TWIST2: variants seen among roughly 807,000 people sequenced by gnomAD.
The protein encoded by TWIST2 is twist-related protein 2.
In TWIST2, 1 loss-of-function variant was observed where a neutral mutation model predicts 11.6. The observed-to-expected ratio is 0.09, with a 90% CI of 0.03 to 0.41. The LOEUF (loss-of-function observed/expected upper bound fraction) is 0.41. TWIST2 is among the 10% of genes least tolerant of loss of function. The pLI, the probability that TWIST2 is intolerant of heterozygous loss-of-function variation, is 0.98. For synonymous variants in TWIST2, 87 were observed against 96.6 expected (o/e 0.90, Z 0.58); for missense variants, 168 against 226.4 (o/e 0.74, Z 1.66).
chr2:238,897,208 C>T (rs1164413341), intron 1 of TWIST2, among the ~76,000 whole-genome samples: 1 of 151,884 alleles, frequency 6.6e-6, no homozygotes, highest in African/African-American at 2.4e-5. Flanking sequence ...TCCTGCCGCA[C>T]TTCTCCCTTG....
chr2:238,882,892 G>A (rs763018409), intron 1 of TWIST2, among the ~76,000 whole-genome samples: 5 of 152,164 alleles, frequency 3.3e-5, no homozygotes, highest in Admixed American at 6.5e-5. Flanking sequence ...GAGCTGAGGG[G>A]CAGATGACCG....
intron 1 of TWIST2, among the ~76,000 whole-genome samples, chr2:238,871,888 C>T (rs548263895): frequency 2.0e-5 from 3 of 152,062 alleles, no homozygotes; most frequent in African/African-American, 7.2e-5. Flanking sequence ...TGCCGGGGGC[C>T]GAGGGGAGGA....
intron 1 of TWIST2, among the ~76,000 whole-genome samples, chr2:238,892,754 T>TA (rs1693160890): frequency 6.6e-6 from 1 of 152,194 alleles, no homozygotes; most frequent in South Asian, 2.1e-4. Context: ...GTGCTAGGAT[T>TA]ACAGGTGTGA....
At chr2:238,907,486 G>A (rs949541844) in intron 1 of TWIST2, among the ~76,000 whole-genome samples, 10,694 of 152,158 alleles carry the variant, frequency 0.07, 699 homozygotes, top group African/African-American at 0.17. Flanking sequence ...TCCCCAAGGC[G>A]CTCCCGGGAC....
At chr2:238,856,131 C>T (rs1692325201) in intron 1 of TWIST2, among the ~76,000 whole-genome samples, 1 of 152,026 alleles carries the variant, frequency 6.6e-6, no homozygotes, top group Non-Finnish European at 1.5e-5. Flanking sequence ...GAGGTAGGGT[C>T]AGGAGAGAGC....
In TWIST2 at chr2:238,864,680, G is replaced by A. The variant is rs1692501041; in HGVS notation, c.*35+15947G>A. Among the ~76,000 whole-genome samples the A allele has an allele frequency of 6.6e-6, 1 of 152,170 alleles. No individual in the cohort carries two copies. Among genetic ancestry groups the A allele is most frequent in the Admixed American group, 6.5e-5 (1 of 15,290 alleles). On this transcript the variant is annotated intron_variant, in intron 1 of 1. Transcript: ENST00000612363. This position sits in a 1 kb window ranked among gnomAD's most constrained non-coding sequence, Gnocchi z 4.7. ...GGAGAAGAGGAGGTGGGAGGGTGCG[G>A]GGCCGTGGCTTGCTCTGTGGGGACA... is the stretch of plus-strand genomic sequence containing the variant.
chr2:238,889,315 A>G (rs1235905115), intron 1 of TWIST2, among the ~76,000 whole-genome samples: 1 of 152,220 alleles, frequency 6.6e-6, no homozygotes, highest in East Asian at 1.9e-4. Flanking sequence ...CTCCTTAGAG[A>G]AGCAGTGTGT....
intron 1 of TWIST2, among the ~76,000 whole-genome samples, chr2:238,881,440 T>TG (rs1692928432): frequency 6.6e-6 from 1 of 151,794 alleles, no homozygotes; most frequent in African/African-American, 2.4e-5. Context: ...AGTGTCGGTA[T>TG]TTATTAGTAT....
At chr2:238,856,047 C>A (rs1449794574) in intron 1 of TWIST2, among the ~76,000 whole-genome samples, 3 of 152,166 alleles carry the variant, frequency 2.0e-5, no homozygotes, top group Non-Finnish European at 4.4e-5. Flanking sequence ...TTTCCACGAT[C>A]CCCAAACTCC....
intron 1 of TWIST2, among the ~76,000 whole-genome samples, chr2:238,856,408 G>C (rs1320218590): frequency 6.6e-6 from 1 of 152,058 alleles, no homozygotes; most frequent in Non-Finnish European, 1.5e-5. Flanking sequence ...CTCCTTTCTT[G>C]TTTTACTACA....
intron 1 of TWIST2, among the ~76,000 whole-genome samples, chr2:238,892,790 G>GT (rs1343588798): frequency 1.3e-5 from 2 of 152,236 alleles, no homozygotes; most frequent in African/African-American, 2.4e-5. Context: ...CTTCTAATAT[G>GT]TTTTTTTCCA....
chr2:238,881,757 A>G (rs906888315), intron 1 of TWIST2, among the ~76,000 whole-genome samples: 25 of 152,096 alleles, frequency 1.6e-4, no homozygotes, highest in Admixed American at 1.3e-3. Context: ...CCCAAGTCCC[A>G]GCAGGAATGC....
chr2:238,871,519 C>T, intron 1 of TWIST2, among the ~76,000 whole-genome samples: 1 of 111,138 alleles, frequency 9.0e-6, no homozygotes, highest in Non-Finnish European at 1.9e-5. Context: ...ACACATACCC[C>T]CCAAACCCCA....
rs993490455 is a variant in TWIST2, at chr2:238,910,348, A to G, written c.*542A>G. The G allele has an allele frequency of 1.3e-5, 2 of 151,942 alleles. No homozygotes were observed. The highest frequency in any genetic ancestry group is 3.4e-3 in the Middle Eastern group (1 of 294). 9.4% of individuals were successfully genotyped at this position (151,942 alleles called of 1,614,324 possible). ...TGTTTCAAGTCAGCCTGGAATTCTT[A>G]CTTTCACGCCGCTATTCTTTTCCTT... On this transcript the variant is annotated 3_prime_UTR_variant, in exon 2 of 2. Coordinates refer to ENST00000612363, the MANE Select transcript of TWIST2 (RefSeq NM_001271893.4).
intron 1 of TWIST2, among the ~76,000 whole-genome samples, chr2:238,902,638 GGT>G (rs1693283904): frequency 6.9e-6 from 1 of 144,348 alleles, no homozygotes; most frequent in East Asian, 2.1e-4. Context: ...TGTGATATGA[GGT>G]GTGTGATGGT....
In TWIST2 at chr2:238,854,736, G is replaced by A. The variant is rs150898411; in HGVS notation, c.*35+6003G>A. On this transcript the variant is annotated intron_variant, in intron 1 of 1. Transcript: ENST00000612363. The stretch of plus-strand genomic sequence containing the variant: ...CTGAAGGGTGGAGAGATTTTGGCCC[G>A]CTTCCGAGGCAGGGGCTCCATGAGG... Among the ~76,000 whole-genome samples, 153 of 152,326 alleles carry A rather than the reference G, an allele frequency of 1.0e-3. 2 individuals are homozygous for A. The highest frequency in any genetic ancestry group is 8.6e-3 in the Admixed American group (131 of 15,302).
intron 1 of TWIST2, among the ~76,000 whole-genome samples, chr2:238,880,537 TGTTA>T (rs1345698480): frequency 4.3e-5 from 4 of 93,004 alleles, no homozygotes; most frequent in Non-Finnish European, 8.5e-5. Flanking sequence ...TTGGTATTAG[TGTTA>T]GTGTTAGTAT....
Position 238,848,608 on chromosome 2 carries a change from C to A in TWIST2, c.393C>A (p.Thr131=), listed in dbSNP as rs568550804. The A allele has an allele frequency of 8.2e-5, 128 of 1,555,828 alleles. No individual in the cohort carries two copies. Among genetic ancestry groups the A allele is most frequent in the Non-Finnish European group, 1.1e-4 (123 of 1,156,586 alleles). The change falls in exon 1 of 2, where the codon ACC becomes ACA. Residue 131 remains threonine, a synonymous_variant. Coordinates refer to ENST00000612363, the MANE Select transcript of TWIST2 (RefSeq NM_001271893.4). ...GCGACGAGATGGACAATAAGATGAC[C>A]AGCTGCAGCTACGTGGCCCACGAGC... The part of the protein sequence containing the change: ...LQSDEMDNKM[T]SCSYVAHERL...
At chr2:238,903,522 T>G (rs1443446861) in intron 1 of TWIST2, among the ~76,000 whole-genome samples, 4 of 139,976 alleles carry the variant, frequency 2.9e-5, no homozygotes, top group African/African-American at 8.3e-5. Flanking sequence ...ATGTGGGGTG[T>G]GTCTAATGTG....
Sources: allele counts gnomAD v4.1 joint callset (sites outside exome capture counted in the v4.1 genomes callset), GRCh38; gene constraint gnomAD v4.1.1; non-coding constraint Gnocchi (gnomAD v3.1); transcripts MANE v1.5; gene names NCBI Gene and HGNC (gene_info 2026-07-23, HGNC 2026-07-21).